ANK3: variants seen among roughly 807,000 people sequenced by gnomAD.
The protein encoded by ANK3 is ankyrin 3.
In ANK3, 57 loss-of-function variants were observed where a neutral mutation model predicts 370.9. That is an observed-to-expected ratio of 0.15 (90% CI 0.12 to 0.19). ANK3 has a LOEUF of 0.19. Ranked by LOEUF, ANK3 falls within the 10% of genes least tolerant of loss-of-function variation. The probability of loss-of-function intolerance (pLI) is 1.00; values close to 1 mark genes in which losing one functional copy is unlikely to be tolerated. For missense variants in ANK3, 4,439 were observed against 5,302.1 expected (o/e 0.84, Z 5.06); for synonymous variants, 1,929 against 1,946.3 (o/e 0.99, Z 0.23).
chr10:60,120,620 G>GA lies in ANK3; in HGVS notation c.2842-6290dup, dbSNP rs112020509. On this transcript the variant is annotated intron_variant, in intron 25 of 43. Transcript: ENST00000280772. ...TAATGAGCTCAAACAACTCTCTAAG[G>GA]AAAAAAAAAATCTAATAATCCAACT... Among the ~76,000 whole-genome samples the GA allele has an allele frequency of 7.6e-3, 1,145 of 149,996 alleles. 7 individuals carry two copies. Among genetic ancestry groups the GA allele is most frequent in the Non-Finnish European group, 0.012 (808 of 67,476 alleles).
intron 1 of ANK3, among the ~76,000 whole-genome samples, chr10:60,715,054 T>C (rs576009825): frequency 6.6e-6 from 1 of 152,260 alleles, no homozygotes; most frequent in East Asian, 1.9e-4. Context: ...AAGGTGTTAT[T>C]AACAGGGGAA....
At chr10:60,119,404 C>T (rs1343500048) in intron 25 of ANK3, among the ~76,000 whole-genome samples, 1 of 152,218 alleles carries the variant, frequency 6.6e-6, no homozygotes, top group African/African-American at 2.4e-5. Context: ...TGTTACTGTG[C>T]ATAGCACCAC....
At chr10:60,380,835 G>A (rs930605206) in intron 1 of ANK3, among the ~76,000 whole-genome samples, 1 of 152,154 alleles carries the variant, frequency 6.6e-6, no homozygotes, top group African/African-American at 2.4e-5. Flanking sequence ...AATTCTAAGT[G>A]GCAGTTATGG....
chr10:60,433,887 G>A (rs140054351), intron 2 of ANK3, among the ~76,000 whole-genome samples: 1 of 152,196 alleles, frequency 6.6e-6, no homozygotes, highest in South Asian at 2.1e-4. Context: ...AGCAGGATAT[G>A]CATGGCCTGC....
At chr10:60,281,017 G>C (rs1184917098) in intron 1 of ANK3, among the ~76,000 whole-genome samples, 1 of 152,198 alleles carries the variant, frequency 6.6e-6, no homozygotes, top group African/African-American at 2.4e-5. Context: ...AAAGCAGCCA[G>C]GATGCCAGTC....
chr10:60,238,914 A>G (rs1166470259), intron 7 of ANK3, among the ~76,000 whole-genome samples: 1 of 152,120 alleles, frequency 6.6e-6, no homozygotes, highest in Non-Finnish European at 1.5e-5. Context: ...AACAACATGC[A>G]TGAAAAATAG....
At chr10:60,720,880 C>T (rs1240066769) in intron 1 of ANK3, among the ~76,000 whole-genome samples, 2 of 152,048 alleles carry the variant, frequency 1.3e-5, no homozygotes, top group Admixed American at 6.6e-5. Context: ...CCCAAAGTGC[C>T]GGGATTACAG....
At chr10:60,676,932 T>C (rs1265911587) in intron 1 of ANK3, among the ~76,000 whole-genome samples, 1 of 152,184 alleles carries the variant, frequency 6.6e-6, no homozygotes, top group East Asian at 1.9e-4. Context: ...AATGCTTGTG[T>C]TGATGAATAC....
At chr10:60,381,763 T>A (rs1370344658) in intron 1 of ANK3, among the ~76,000 whole-genome samples, 1 of 152,172 alleles carries the variant, frequency 6.6e-6, no homozygotes, top group Non-Finnish European at 1.5e-5. Flanking sequence ...CTTCACAACA[T>A]GTATGTAAAG....
At chr10:60,202,884 G>C (rs1045963492) in intron 12 of ANK3, 118 bp downstream of exon 12, 53 of 654,818 alleles carry the variant, frequency 8.1e-5, no homozygotes, top group Admixed American at 3.0e-5. Flanking sequence ...TCCAGTCTGG[G>C]AGACAGAGCG....
chr10:60,512,105 T>TA (rs910430732), intron 2 of ANK3, among the ~76,000 whole-genome samples: 1 of 151,482 alleles, frequency 6.6e-6, no homozygotes, highest in Non-Finnish European at 1.5e-5. Flanking sequence ...TTCCATCAAT[T>TA]AAAAAAAAGT....
chr10:60,664,682 G>A (rs1338812074), intron 1 of ANK3, among the ~76,000 whole-genome samples: 1 of 152,062 alleles, frequency 6.6e-6, no homozygotes, highest in African/African-American at 2.4e-5. Flanking sequence ...AGCATAAAAT[G>A]CAAAATTCTA....
At chr10:60,400,613 A>T (rs973615058) in intron 2 of ANK3, among the ~76,000 whole-genome samples, 3 of 152,182 alleles carry the variant, frequency 2.0e-5, no homozygotes, top group African/African-American at 4.8e-5. Flanking sequence ...AAGCAGGTGC[A>T]GTCTGCAGGT....
At chr10:60,491,727 G>A (rs550290933) in intron 2 of ANK3, among the ~76,000 whole-genome samples, 90 of 152,152 alleles carry the variant, frequency 5.9e-4, no homozygotes, top group Non-Finnish European at 1.1e-3. Flanking sequence ...GACACAGTAC[G>A]GTGTAGTGCT....
intron 42 of ANK3, chr10:60,044,025 C>A: frequency 3.0e-6 from 3 of 985,820 alleles, no homozygotes; most frequent in Non-Finnish European, 3.6e-6. Context: ...CTAGGGAGTG[C>A]ACAAAGCTTT....
chr10:60,468,465 G>A (rs2065060932), intron 2 of ANK3, among the ~76,000 whole-genome samples: 1 of 152,078 alleles, frequency 6.6e-6, no homozygotes, highest in African/African-American at 2.4e-5. Context: ...TCATATTTAA[G>A]TATGGGTGTC....
upstream of ANK3, among the ~76,000 whole-genome samples, chr10:60,392,839 G>A (rs189507570): frequency 2.6e-5 from 4 of 152,150 alleles, no homozygotes; most frequent in African/African-American, 9.6e-5. Flanking sequence ...TGAGGCATGA[G>A]AATCACTTGA....
At chr10:60,614,882 C>G (rs1227151657) in intron 2 of ANK3, among the ~76,000 whole-genome samples, 1 of 152,044 alleles carries the variant, frequency 6.6e-6, no homozygotes, top group Non-Finnish European at 1.5e-5. Flanking sequence ...TACTCTGTAC[C>G]TGCCATTAAA....
chr10:60,284,528 C>T (rs543929854), intron 1 of ANK3, among the ~76,000 whole-genome samples: 4 of 152,260 alleles, frequency 2.6e-5, no homozygotes, highest in South Asian at 4.2e-4. Context: ...TAAGAAAGGG[C>T]TTAATACATG....
Sources: allele counts gnomAD v4.1 joint callset (sites outside exome capture counted in the v4.1 genomes callset), GRCh38; gene constraint gnomAD v4.1.1; transcripts MANE v1.5; gene names NCBI Gene and HGNC (gene_info 2026-07-23, HGNC 2026-07-21).